Variants in CD2AP observed in about 807,000 individuals in gnomAD.
CD2AP encodes CD2 associated protein, also known as CD2-associated protein.
In CD2AP, 46 loss-of-function variants were observed where a neutral mutation model predicts 85.1. The ratio of observed to expected loss-of-function variants is 0.54; its 90% CI spans 0.43 to 0.69. The LOEUF (loss-of-function observed/expected upper bound fraction) is 0.69. Ranked by LOEUF, CD2AP falls within the 30% of genes least tolerant of loss-of-function variation. The probability of loss-of-function intolerance (pLI) is 0.00; values close to 1 mark genes in which losing one functional copy is unlikely to be tolerated. For missense variants in CD2AP, 769 were observed against 729.5 expected (o/e 1.05, Z -0.62); for synonymous variants, 255 against 252.9 (o/e 1.01, Z -0.08).
At chr6:47,489,430 C>T (rs1765666407) in intron 1 of CD2AP, among the ~76,000 whole-genome samples, 1 of 152,124 alleles carries the variant, frequency 6.6e-6, no homozygotes. Flanking sequence ...CCCGCCTCGG[C>T]CTCCCAAAGT....
At chr6:47,485,988 T>G (rs998965085) in intron 1 of CD2AP, among the ~76,000 whole-genome samples, 1 of 152,204 alleles carries the variant, frequency 6.6e-6, no homozygotes, top group Admixed American at 6.5e-5. Flanking sequence ...TTTCCTAAGA[T>G]GCATCCCCAT....
chr6:47,610,111 A>G (rs544971584), intron 16 of CD2AP, among the ~76,000 whole-genome samples: 7 of 152,260 alleles, frequency 4.6e-5, no homozygotes, highest in African/African-American at 1.7e-4. Flanking sequence ...TTTTAGAGCT[A>G]AAACAAATTT....
At chr6:47,599,643 C>CA (rs1272478797) in intron 13 of CD2AP, among the ~76,000 whole-genome samples, 200 bp downstream of exon 13, 1 of 151,968 alleles carries the variant, frequency 6.6e-6, no homozygotes, top group Non-Finnish European at 1.5e-5. Flanking sequence ...CCTTACTGAT[C>CA]AGACTTTATG....
chr6:47,547,933 C>T (rs1211871816), intron 4 of CD2AP, among the ~76,000 whole-genome samples: 1 of 152,076 alleles, frequency 6.6e-6, no homozygotes, highest in Non-Finnish European at 1.5e-5. Context: ...ATCATTGGGT[C>T]AGAAATGAAA....
At chr6:47,581,039 AGT>A (rs543418393) in intron 10 of CD2AP, 139 bp downstream of exon 10, 14 of 694,598 alleles carry the variant, frequency 2.0e-5, no homozygotes, top group Non-Finnish European at 3.6e-5. Context: ...ATGAAAATTG[AGT>A]GTTCACATGC....
intron 3 of CD2AP, among the ~76,000 whole-genome samples, chr6:47,541,268 C>T (rs1767207776): frequency 6.6e-6 from 1 of 152,134 alleles, no homozygotes; most frequent in Non-Finnish European, 1.5e-5. Flanking sequence ...AGACTACAGG[C>T]ACCCACCACC....
intron 5 of CD2AP, among the ~76,000 whole-genome samples, chr6:47,569,035 C>T (rs142681200): frequency 6.6e-6 from 1 of 152,166 alleles, no homozygotes; most frequent in African/African-American, 2.4e-5. Context: ...CATTAAGGAC[C>T]TAGACAAGAG....
intron 2 of CD2AP, among the ~76,000 whole-genome samples, chr6:47,526,045 A>G (rs759307654): frequency 2.0e-5 from 3 of 152,174 alleles, no homozygotes; most frequent in African/African-American, 4.8e-5. Flanking sequence ...CAATGTTAAT[A>G]TGTATGCTAT....
intron 12 of CD2AP, among the ~76,000 whole-genome samples, chr6:47,596,394 C>T (rs1768947929): frequency 6.6e-6 from 1 of 152,036 alleles, no homozygotes; most frequent in Admixed American, 6.6e-5. Context: ...GTATGTATTC[C>T]TTGACCACAT....
chr6:47,488,739 G>A (rs1030208747), intron 1 of CD2AP, among the ~76,000 whole-genome samples: 14 of 109,252 alleles, frequency 1.3e-4, no homozygotes, highest in Admixed American at 1.0e-3. Flanking sequence ...AAAAAAAAAA[G>A]AGATAGCCAG....
At position 47,484,176 on chromosome 6, in the gene CD2AP, C is replaced by CA. The variant is rs1488628588; in HGVS notation, c.4+5929dup. On this transcript the variant is annotated intron_variant, in intron 1 of 17. Coordinates refer to ENST00000359314, the MANE Select transcript of CD2AP (RefSeq NM_012120.3). ...AGGTAGATCTTTAGACAGTAGCTCACAGTAGAGACATTTATTATGTCTCTT... is the reference window on the plus strand; with the variant it reads ...AGGTAGATCTTTAGACAGTAGCTCACAAGTAGAGACATTTATTATGTCTCTT... Among the ~76,000 whole-genome samples, 4 of 152,110 alleles carry CA rather than the reference C, an allele frequency of 2.6e-5. No individual in the cohort carries two copies. The East Asian group carries it at 7.7e-4, about 29-fold the overall frequency.
At chr6:47,560,859 A>G (rs1293194112) in intron 5 of CD2AP, among the ~76,000 whole-genome samples, 1 of 152,164 alleles carries the variant, frequency 6.6e-6, no homozygotes, top group Admixed American at 6.5e-5. Context: ...ATCATGGATA[A>G]ATTTTACTCA....
chr6:47,492,012 G>A (rs1193581739), intron 1 of CD2AP, among the ~76,000 whole-genome samples: 1 of 151,664 alleles, frequency 6.6e-6, no homozygotes, highest in East Asian at 1.9e-4. Context: ...CCTTTTTTTG[G>A]TTCTTATAAA....
chr6:47,602,375 A>T (rs1056765335), intron 13 of CD2AP, among the ~76,000 whole-genome samples: 1 of 152,066 alleles, frequency 6.6e-6, no homozygotes, highest in Non-Finnish European at 1.5e-5. Flanking sequence ...GTTTAAGGAA[A>T]ATCTCAGTGC....
intron 2 of CD2AP, among the ~76,000 whole-genome samples, chr6:47,521,617 T>A (rs1370686871): frequency 6.6e-6 from 1 of 152,166 alleles, no homozygotes; most frequent in Non-Finnish European, 1.5e-5. Context: ...TTTGGAAAAG[T>A]TTAAATATTA....
chr6:47,617,252 A>G (rs1200625253), intron 17 of CD2AP, among the ~76,000 whole-genome samples: 1 of 152,164 alleles, frequency 6.6e-6, no homozygotes, highest in African/African-American at 2.4e-5. Flanking sequence ...GGTATGAGCC[A>G]CCATGCCTGG....
intron 3 of CD2AP, among the ~76,000 whole-genome samples, chr6:47,541,708 A>G (rs879623476): frequency 6.6e-6 from 1 of 152,222 alleles, no homozygotes; most frequent in Non-Finnish European, 1.5e-5. Context: ...AGGTAACTGT[A>G]GTGGTTTTCT....
rs1266308083 is a variant in CD2AP, at chr6:47,607,829, G to GA, written c.1531-94dup. On this transcript the variant is annotated intron_variant, in intron 14 of 17. Transcript: ENST00000359314. ...TGGGATATCAGCAACAGTAGCAGCT[G>GA]AAAATCCATAAAAGTTATTTGCTTT... The GA allele has an allele frequency of 1.3e-5, 10 of 772,530 alleles. No individual in the cohort carries two copies. In the African/African-American group the frequency reaches 1.6e-4, roughly 12 times the overall value. 47.9% of individuals were successfully genotyped at this position (772,530 alleles called of 1,614,324 possible).
At chr6:47,497,959 T>C (rs1227233627) in intron 1 of CD2AP, among the ~76,000 whole-genome samples, 3 of 152,198 alleles carry the variant, frequency 2.0e-5, no homozygotes, top group African/African-American at 4.8e-5. Flanking sequence ...TAGTACTTAT[T>C]TTATTCTGAG....
Sources: allele counts gnomAD v4.1 joint callset (sites outside exome capture counted in the v4.1 genomes callset), GRCh38; gene constraint gnomAD v4.1.1; transcripts MANE v1.5; gene names NCBI Gene and HGNC (gene_info 2026-07-23, HGNC 2026-07-21).